Variants in PLCB1 observed in about 807,000 individuals in gnomAD.
PLCB1 encodes 1-phosphatidylinositol 4,5-bisphosphate phosphodiesterase beta-1.
A neutral mutation model predicts 161.8 loss-of-function variants in PLCB1; 46 were observed. The ratio of observed to expected loss-of-function variants is 0.28; its 90% confidence interval spans 0.22 to 0.36. PLCB1 has a LOEUF of 0.36. Among genes scored for constraint, PLCB1 ranks in the 10% least tolerant of loss-of-function variants. The pLI, the probability that PLCB1 is intolerant of heterozygous loss-of-function variation, is 1.00. For missense variants in PLCB1, 1,016 were observed against 1,472.5 expected (o/e 0.69, Z 5.07); for synonymous variants, 517 against 503.7 (o/e 1.03, Z -0.35).
chr20:8,585,732 C>T (rs1169497905), intron 3 of PLCB1, among the ~76,000 whole-genome samples: 1 of 152,186 alleles, frequency 6.6e-6, no homozygotes, highest in African/African-American at 2.4e-5. Flanking sequence ...TTTAGCATTG[C>T]TTCCACTGTC....
intron 27 of PLCB1, among the ~76,000 whole-genome samples, chr20:8,777,466 C>A (rs1027546975): frequency 1.3e-5 from 2 of 151,910 alleles, no homozygotes; most frequent in African/African-American, 4.8e-5. Context: ...CACCTGTGAT[C>A]CCAGTACTTT....
At chr20:8,514,371 C>T (rs760903136) in intron 3 of PLCB1, among the ~76,000 whole-genome samples, 30 of 144,780 alleles carry the variant, frequency 2.1e-4, no homozygotes, top group Non-Finnish European at 3.4e-4. Context: ...ACCTGGGAGG[C>T]GGAGGTTGTA....
Position 8,347,958 on chromosome 20 carries a change from C to T in PLCB1, c.178-23424C>T, listed in dbSNP as rs550939995. Among the ~76,000 whole-genome samples, 272 of 150,680 alleles carry T rather than the reference C, an allele frequency of 1.8e-3. 1 individual carries two copies. Among genetic ancestry groups the T allele is most frequent in the South Asian group, 9.8e-3 (47 of 4,792 alleles). On this transcript the variant is annotated intron_variant, in intron 2 of 31. Transcript: ENST00000338037. ...CTGCACTCCAGCCTGGGTGACAGAGCGAGACTCCATCTCAAAAAAAAGAAA... is the reference window on the plus strand; with the variant it reads ...CTGCACTCCAGCCTGGGTGACAGAGTGAGACTCCATCTCAAAAAAAAGAAA...
At chr20:8,637,709 T>C (rs1468801124) in intron 4 of PLCB1, among the ~76,000 whole-genome samples, 2 of 152,246 alleles carry the variant, frequency 1.3e-5, no homozygotes, top group African/African-American at 4.8e-5. Flanking sequence ...ATGTGGGTTA[T>C]GGTGTTGGAA....
chr20:8,292,023 C>T (rs1320678609), intron 2 of PLCB1, among the ~76,000 whole-genome samples: 1 of 152,078 alleles, frequency 6.6e-6, no homozygotes, highest in African/African-American at 2.4e-5. Context: ...AAAGTCAGCA[C>T]ATAGTGGAGA....
At chr20:8,153,443 C>T in intron 2 of PLCB1, among the ~76,000 whole-genome samples, 1 of 152,096 alleles carries the variant, frequency 6.6e-6, no homozygotes, top group Non-Finnish European at 1.5e-5. Context: ...CCTGCACAGC[C>T]TGAGTACTTG....
chr20:8,475,974 G>A (rs1432218709), intron 3 of PLCB1, among the ~76,000 whole-genome samples: 6 of 152,136 alleles, frequency 3.9e-5, no homozygotes, highest in Admixed American at 6.5e-5. Flanking sequence ...CAATTCTGAC[G>A]CAGGTCTGGT....
At chr20:8,528,607 A>G (rs570616811) in intron 3 of PLCB1, among the ~76,000 whole-genome samples, 2 of 152,152 alleles carry the variant, frequency 1.3e-5, no homozygotes, top group Admixed American at 6.6e-5. Context: ...ATCATATGAC[A>G]CTGAGGATCT....
rs1169027689 is a variant in PLCB1, at chr20:8,727,243, A to C, written c.1679-66A>C. Reference sequence around the variant, plus strand: ...ATTTACCCATTTCTTTTATAATGTTATAATTTATAACAATGAATTGTATTT... The same window carrying C: ...ATTTACCCATTTCTTTTATAATGTTCTAATTTATAACAATGAATTGTATTT... On this transcript the variant is annotated intron_variant, in intron 16 of 31. Transcript: ENST00000338037. 3 of 739,994 alleles carry C rather than the reference A, an allele frequency of 4.1e-6. No individual in the cohort carries two copies. In the East Asian group the frequency reaches 7.9e-5, roughly 20 times the overall value. 45.8% of individuals were successfully genotyped at this position (739,994 alleles called of 1,614,324 possible).
intron 3 of PLCB1, among the ~76,000 whole-genome samples, chr20:8,407,611 C>A (rs1453573401): frequency 1.3e-5 from 2 of 152,104 alleles, no homozygotes; most frequent in African/African-American, 2.4e-5. Flanking sequence ...GAAAGACAGG[C>A]CCCCATGATT....
intron 14 of PLCB1, among the ~76,000 whole-genome samples, chr20:8,722,080 A>G (rs1453632197): frequency 6.6e-6 from 1 of 152,220 alleles, no homozygotes; most frequent in Non-Finnish European, 1.5e-5. Flanking sequence ...GTTTAAAAAC[A>G]TATAGAGAAA....
intron 2 of PLCB1, among the ~76,000 whole-genome samples, chr20:8,196,624 A>G (rs1311808268): frequency 1.3e-5 from 2 of 150,860 alleles, no homozygotes; most frequent in African/African-American, 2.4e-5. Context: ...CCTTCTGTCT[A>G]ACAGCCTCAA....
intron 3 of PLCB1, among the ~76,000 whole-genome samples, chr20:8,573,237 T>C (rs1460160437): frequency 6.6e-6 from 1 of 152,000 alleles, no homozygotes; most frequent in Non-Finnish European, 1.5e-5. Flanking sequence ...AACATAGGGG[T>C]CATTGGTGAC....
At chr20:8,676,948 T>C (rs1270229103) in intron 9 of PLCB1, among the ~76,000 whole-genome samples, 1 of 152,138 alleles carries the variant, frequency 6.6e-6, no homozygotes, top group Non-Finnish European at 1.5e-5. Context: ...AAGAACAGAA[T>C]GCTAATTTTT....
At chr20:8,144,727 G>A (rs1162447835) in intron 1 of PLCB1, among the ~76,000 whole-genome samples, 5 of 152,092 alleles carry the variant, frequency 3.3e-5, no homozygotes, top group Non-Finnish European at 7.4e-5. Context: ...CTCTTTGCCC[G>A]TTGCATAGCT....
At chr20:8,399,083 C>CT (rs915168362) in intron 3 of PLCB1, among the ~76,000 whole-genome samples, 56 of 145,328 alleles carry the variant, frequency 3.9e-4, no homozygotes, top group Middle Eastern at 3.5e-3. Context: ...CCTATAGCTT[C>CT]TTTTTTTTTT....
At chr20:8,378,331 C>T (rs559127637) in intron 3 of PLCB1, among the ~76,000 whole-genome samples, 45 of 152,036 alleles carry the variant, frequency 3.0e-4, no homozygotes, top group Admixed American at 1.2e-3. Flanking sequence ...GATTTGGTTC[C>T]GGAACAACAC....
intron 27 of PLCB1, among the ~76,000 whole-genome samples, chr20:8,776,638 A>G (rs1010335598): frequency 6.6e-6 from 1 of 152,234 alleles, no homozygotes; most frequent in African/African-American, 2.4e-5. Flanking sequence ...TCATCGCCTT[A>G]AAAAGAAATC....
At chr20:8,793,645 A>C (rs1600332538) in intron 31 of PLCB1, among the ~76,000 whole-genome samples, 1 of 152,210 alleles carries the variant, frequency 6.6e-6, no homozygotes, top group Admixed American at 6.5e-5. Flanking sequence ...TTAACAGGGT[A>C]ATAGAATATC....
Sources: allele counts gnomAD v4.1 joint callset (sites outside exome capture counted in the v4.1 genomes callset), GRCh38; gene constraint gnomAD v4.1.1; transcripts MANE v1.5; gene names NCBI Gene and HGNC (gene_info 2026-07-23, HGNC 2026-07-21).